Variants in LRRC42 observed in about 807,000 individuals in gnomAD.
The protein encoded by LRRC42 is leucine-rich repeat-containing protein 42.
LRRC42 carries 43 observed loss-of-function variants against 44.3 expected under a neutral mutation model. The observed-to-expected ratio is 0.97, with a 90% CI of 0.76 to 1.25. LRRC42 has a LOEUF of 1.25. Ranked by LOEUF, LRRC42 falls within the 50% of genes most tolerant of loss-of-function variation. LRRC42 has a pLI of 0.00. For missense variants in LRRC42, 540 were observed against 509.1 expected, an observed-to-expected ratio of 1.06 and a Z score of -0.58; for synonymous variants, 207 against 195.2, an observed-to-expected ratio of 1.06 and a Z score of -0.50.
intron 3 of LRRC42, among the ~76,000 whole-genome samples, chr1:53,957,517 A>C (rs1185197049): frequency 6.6e-6 from 1 of 152,234 alleles, no homozygotes; most frequent in East Asian, 1.9e-4. Flanking sequence ...GCTGCAATGT[A>C]ATTAAGTTGC....
chr1:53,958,903 T>A lies in LRRC42; in HGVS notation c.605+623T>A, dbSNP rs142424487. On this transcript the variant is annotated intron_variant, in intron 4 of 8. Coordinates refer to ENST00000371370, the MANE Select transcript of LRRC42 (RefSeq NM_001256409.2). Reference sequence around the variant, plus strand: ...GCCTGGCCCTATTTATTTATTTCTTTAGACGGAGTCTTGCTCTTGTTGTCC... The same window carrying A: ...GCCTGGCCCTATTTATTTATTTCTTAAGACGGAGTCTTGCTCTTGTTGTCC... Among the ~76,000 whole-genome samples the A allele has an allele frequency of 6.4e-3, 970 of 151,564 alleles. 6 individuals carry two copies. The highest frequency in any genetic ancestry group is 0.024 in the Middle Eastern group (7 of 288).
At chr1:53,954,461 A>T (rs917517834) in intron 3 of LRRC42, among the ~76,000 whole-genome samples, 5 of 152,194 alleles carry the variant, frequency 3.3e-5, no homozygotes, top group Non-Finnish European at 4.4e-5. Context: ...GTTTATGTTC[A>T]TTGTAGAAAA....
In LRRC42 at chr1:53,962,097, T is replaced by C. The variant is rs747161360; in HGVS notation, c.788T>C (p.Leu263Ser). 1 of 1,613,914 alleles carries C rather than the reference T, an allele frequency of 6.2e-7. No individual in the cohort carries two copies. The highest frequency in any genetic ancestry group is 8.5e-7 in the Non-Finnish European group (1 of 1,179,822). Reference protein sequence around the residue: ...YLFSFRKLNCLDISGTGLKDI... With the variant: ...YLFSFRKLNCSDISGTGLKDI... ...TTTTCTTTTAGGAAACTAAACTGCTTAGATATCTCTGGGACAGGGCTCAAG... is the reference window on the plus strand; with the variant it reads ...TTTTCTTTTAGGAAACTAAACTGCTCAGATATCTCTGGGACAGGGCTCAAG... Residue 263 changes from leucine to serine, a missense_variant, in exon 6 of 9, where the codon TTA becomes TCA. Physicochemically the swap from Leu to Ser is moderately radical, Grantham distance 145. Transcript: ENST00000371370.
At chr1:53,947,577 C>A (rs976349599) in intron 1 of LRRC42, among the ~76,000 whole-genome samples, 1 of 152,042 alleles carries the variant, frequency 6.6e-6, no homozygotes, top group Non-Finnish European at 1.5e-5. Context: ...TTCAGATAAA[C>A]CAAAAGTGTC....
At chr1:53,962,589 C>G (rs78917913) in intron 7 of LRRC42, among the ~76,000 whole-genome samples, 180 bp downstream of exon 7, 4 of 152,176 alleles carry the variant, frequency 2.6e-5, no homozygotes, top group African/African-American at 9.7e-5. Flanking sequence ...AGAATTGGCG[C>G]CAGACCTTAT....
rs1296797555 is a variant in LRRC42, at chr1:53,962,142, C to G, written c.813+20C>G. On this transcript the variant is annotated intron_variant, in intron 6 of 8. Transcript: ENST00000371370. ...CTCAAGGTAAGACTTTTGGTTCCTT[C>G]TCTCATTTTTCTAGACTCAACAATT... 1.9e-6 allele frequency: 3 copies of G among 1,592,906 alleles called. No individual in the cohort carries two copies. Among genetic ancestry groups the G allele is most frequent in the Non-Finnish European group, 2.6e-6 (3 of 1,162,726 alleles).
chr1:53,966,139 G>A (rs1039854979), intron 7 of LRRC42, among the ~76,000 whole-genome samples, 157 bp from the exon 8 acceptor site: 13 of 152,312 alleles, frequency 8.5e-5, no homozygotes, highest in Admixed American at 2.0e-4. Flanking sequence ...AGAAAATGCA[G>A]ACTTGACTTG....
intron 3 of LRRC42, among the ~76,000 whole-genome samples, chr1:53,952,800 G>A (rs899416556): frequency 6.6e-6 from 1 of 152,218 alleles, no homozygotes; most frequent in Non-Finnish European, 1.5e-5. Flanking sequence ...CGCTCTTACA[G>A]ATGGGGAGAT....
At chr1:53,963,952 C>A (rs1288046769) in intron 7 of LRRC42, among the ~76,000 whole-genome samples, 5 of 118,598 alleles carry the variant, frequency 4.2e-5, no homozygotes, top group African/African-American at 1.2e-4. Context: ...TGCCCACCCC[C>A]CCCCCATCTT....
At chr1:53,954,463 T>C (rs547085276) in intron 3 of LRRC42, among the ~76,000 whole-genome samples, 4 of 152,388 alleles carry the variant, frequency 2.6e-5, no homozygotes, top group African/African-American at 9.6e-5. Flanking sequence ...TTATGTTCAT[T>C]GTAGAAAAGT....
At position 53,966,311 on chromosome 1, in the gene LRRC42, G is replaced by A; in HGVS notation, c.943G>A (p.Glu315Lys). The change falls in exon 8 of 9, where the codon GAG becomes AAG. Residue 315 changes from glutamate to lysine, a missense_variant. Coordinates refer to ENST00000371370, the MANE Select transcript of LRRC42 (RefSeq NM_001256409.2). ...GWADQIVLQW[E>K]RVTAEAVKPR... is the part of the protein sequence containing the mutation. ...TATGTTTCAGATCGTTCTGCAGTGG[G>A]AGCGTGTGACTGCGGAAGCTGTGAA... 6.2e-7 allele frequency: 1 copy of A among 1,613,244 alleles called. No individual in the cohort carries two copies. The highest frequency in any genetic ancestry group is 1.1e-5 in the South Asian group (1 of 91,066).
intron 3 of LRRC42, among the ~76,000 whole-genome samples, chr1:53,953,483 C>G (rs375129833): frequency 3.9e-5 from 6 of 152,120 alleles, no homozygotes; most frequent in African/African-American, 7.2e-5. Flanking sequence ...GCCTCAGCCT[C>G]CCGAGTAGCT....
At position 53,962,088 on chromosome 1, in the gene LRRC42, T is replaced by C; in HGVS notation, c.779T>C (p.Leu260Pro). 1.2e-6 allele frequency: 2 copies of C among 1,614,056 alleles called. No individual in the cohort carries two copies. The highest frequency in any genetic ancestry group is 1.7e-5 in the Admixed American group (1 of 60,024). ...GGATACCTCTTTTCTTTTAGGAAAC[T>C]AAACTGCTTAGATATCTCTGGGACA... ...GIGYLFSFRK[L>P]NCLDISGTGL... The change falls in exon 6 of 9, where the codon CTA (leucine) becomes CCA (proline). Residue 260 changes from leucine to proline, a missense_variant. By Grantham distance (98) the Leu-to-Pro change is moderately conservative. Transcript: ENST00000371370.
intron 4 of LRRC42, among the ~76,000 whole-genome samples, chr1:53,959,056 T>A (rs1373584195): frequency 6.6e-6 from 1 of 152,130 alleles, no homozygotes; most frequent in Admixed American, 6.5e-5. Flanking sequence ...CTAATTTTTG[T>A]ACTTTTAGTA....
chr1:53,949,009 G>C (rs1026876210), intron 2 of LRRC42, among the ~76,000 whole-genome samples: 4 of 152,072 alleles, frequency 2.6e-5, no homozygotes, highest in African/African-American at 9.7e-5. Context: ...AATGATGTGG[G>C]TTTACTCTCC....
rs1343289073 is a variant in LRRC42 at position 53,966,176 on chromosome 1, G to T, written c.928-120G>T. 4.2e-6 allele frequency: 3 copies of T among 713,744 alleles called. No individual in the cohort carries two copies. The African/African-American group carries it at 5.4e-5, about 13-fold the overall frequency. The allele number at this position is 713,744 out of a possible 1,614,324, so 44.2% of individuals were successfully genotyped here. On this transcript the variant is annotated intron_variant, in intron 7 of 8. Transcript: ENST00000371370. ...TTCTTATTCTTATCACCAGTCATCT[G>T]AAGTTAAATTTACCAGAGGGGTTTG...
At position 53,960,457 on chromosome 1, in the gene LRRC42, C is replaced by A; in HGVS notation, c.707C>A (p.Thr236Lys). ...RVMKRGLENL[T>K]LLDLSCNPEI... ...ATGAAAAGAGGCCTTGAGAATCTAACATTATTAGACTTATCATGTAAGTTT... is the reference window on the plus strand; with the variant it reads ...ATGAAAAGAGGCCTTGAGAATCTAAAATTATTAGACTTATCATGTAAGTTT... The change falls in exon 5 of 9, where the codon ACA becomes AAA. Residue 236 changes from threonine (T) to lysine (K), a missense_variant. By Grantham distance (78) the Thr-to-Lys change is moderately conservative. Coordinates refer to ENST00000371370, the MANE Select transcript of LRRC42 (RefSeq NM_001256409.2). The A allele has an allele frequency of 6.2e-7, 1 of 1,606,516 alleles. No individual in the cohort carries two copies. Among genetic ancestry groups the A allele is most frequent in the South Asian group, 1.1e-5 (1 of 90,630 alleles).
chr1:53,948,915 G>T (rs1654597854), intron 2 of LRRC42, among the ~76,000 whole-genome samples: 1 of 152,188 alleles, frequency 6.6e-6, no homozygotes, highest in African/African-American at 2.4e-5. Context: ...TTGGGAGAAT[G>T]CAGGATGTGC....
In LRRC42 at chr1:53,958,149, GT is replaced by G. The variant is rs1654893812; in HGVS notation, c.475del (p.Tyr159IlefsTer3). The G allele has an allele frequency of 1.2e-6, 2 of 1,613,578 alleles. No homozygotes were observed. On this transcript the variant is annotated frameshift_variant and splice_region_variant, in exon 4 of 9. Coordinates refer to ENST00000371370, the MANE Select transcript of LRRC42 (RefSeq NM_001256409.2). LOFTEE classifies it high-confidence loss of function. Reference protein sequence around the residue: ...VLCSLCLRNRYLVISEKLEEI... With the variant: ...VLCSLCLRNRXLVISEKLEEI... ...ATTGATTGCTCTCCACGCTCCGTAG[GT>G]ATCTCGTGATTTCAGAAAAGCTTGA...
Sources: allele counts gnomAD v4.1 joint callset (sites outside exome capture counted in the v4.1 genomes callset), GRCh38; gene constraint gnomAD v4.1.1; transcripts MANE v1.5; gene names NCBI Gene and HGNC (gene_info 2026-07-23, HGNC 2026-07-21).